ALK: variants seen among roughly 807,000 people sequenced by gnomAD.
ALK encodes ALK tyrosine kinase receptor.
ALK carries 74 observed loss-of-function variants against 163.1 expected under a neutral mutation model. The observed-to-expected ratio is 0.45, with a 90% CI of 0.38 to 0.55. The LOEUF (loss-of-function observed/expected upper bound fraction) is 0.55, where lower values mean the gene tolerates loss of function less well. Among genes scored for constraint, ALK ranks in the 20% least tolerant of loss-of-function variants. ALK has a pLI of 0.00. For missense variants in ALK, 2,063 were observed against 2,105.3 expected (o/e 0.98, Z 0.39); for synonymous variants, 960 against 843.2 (o/e 1.14, Z -2.40).
chr2:29,505,889 C>G (rs1422399108), intron 4 of ALK, among the ~76,000 whole-genome samples: 1 of 151,620 alleles, frequency 6.6e-6, no homozygotes, highest in Non-Finnish European at 1.5e-5. Context: ...GAAGAAAACT[C>G]AGGCCTGACA....
intron 4 of ALK, among the ~76,000 whole-genome samples, chr2:29,514,143 T>A (rs1328028745): frequency 1.4e-5 from 2 of 138,368 alleles, no homozygotes; most frequent in Non-Finnish European, 3.1e-5. Flanking sequence ...AGCCATCCCA[T>A]TACTGGGTAT....
At chr2:29,525,969 A>C (rs1345027987) in intron 4 of ALK, among the ~76,000 whole-genome samples, 1 of 152,106 alleles carries the variant, frequency 6.6e-6, no homozygotes, top group African/African-American at 2.4e-5. Flanking sequence ...TAAAGTGGGG[A>C]GGAATATGGT....
At chr2:29,576,407 C>T (rs569971888) in intron 3 of ALK, among the ~76,000 whole-genome samples, 31 of 152,354 alleles carry the variant, frequency 2.0e-4, no homozygotes, top group African/African-American at 6.0e-4. Context: ...ACACTGCCTT[C>T]CAACTGCAGG....
intron 1 of ALK, among the ~76,000 whole-genome samples, chr2:29,783,891 C>T (rs1012387646): frequency 6.6e-6 from 1 of 152,136 alleles, no homozygotes; most frequent in African/African-American, 2.4e-5. Flanking sequence ...TCCAGGATTC[C>T]ACCAAGTGGC....
intron 22 of ALK, 110 bp downstream of exon 22, chr2:29,222,234 A>T (rs1669821974): frequency 2.1e-6 from 2 of 971,246 alleles, no homozygotes; most frequent in South Asian, 2.8e-5. Context: ...AAAAGGGGAC[A>T]TGCTAGGGAC....
chr2:29,226,983 G>T lies in ALK; in HGVS notation c.3006C>A (p.His1002Gln), dbSNP rs1428469681. 1 of 1,614,224 alleles carries T rather than the reference G, an allele frequency of 6.2e-7. No individual in the cohort carries two copies. The highest frequency in any genetic ancestry group is 1.7e-5 in the Admixed American group (1 of 60,032). Residue 1002 changes from histidine to glutamine, a missense_variant, in exon 18 of 29, where the codon CAC becomes CAA. Physicochemically the swap from His to Gln is conservative, Grantham distance 24. Coordinates refer to ENST00000389048, the MANE Select transcript of ALK (RefSeq NM_004304.5). ...VDECHMDPES[H>Q]KVICFCDHGT... is the part of the protein sequence containing the mutation. Reference sequence around the variant, plus strand: ...CGTGGTCACAGAAGCAGATGACCTTGTGGCTTTCAGGGTCCATGTGACATT... The same window carrying T: ...CGTGGTCACAGAAGCAGATGACCTTTTGGCTTTCAGGGTCCATGTGACATT...
At chr2:29,776,014 T>C (rs1681165531) in intron 1 of ALK, among the ~76,000 whole-genome samples, 1 of 152,174 alleles carries the variant, frequency 6.6e-6, no homozygotes, top group South Asian at 2.1e-4. Context: ...ACTTTTCTGA[T>C]TGCCACTTTT....
chr2:29,477,253 C>T (rs981429395), intron 4 of ALK, among the ~76,000 whole-genome samples: 1 of 152,180 alleles, frequency 6.6e-6, no homozygotes, highest in African/African-American at 2.4e-5. Context: ...CCCCTCATCC[C>T]ACTACCCAGA....
chr2:29,277,858 G>T (rs932971336), intron 9 of ALK, among the ~76,000 whole-genome samples: 1 of 152,330 alleles, frequency 6.6e-6, no homozygotes, highest in African/African-American at 2.4e-5. Context: ...TTCCAACCTT[G>T]ATACACACCT....
intron 1 of ALK, among the ~76,000 whole-genome samples, chr2:29,724,231 T>C (rs1030314995): frequency 6.6e-6 from 1 of 152,258 alleles, no homozygotes; most frequent in Non-Finnish European, 1.5e-5. Flanking sequence ...ACCTTGCCTG[T>C]ACACGTTTTA....
chr2:29,456,478 A>G (rs573088320), intron 4 of ALK, among the ~76,000 whole-genome samples: 1 of 152,216 alleles, frequency 6.6e-6, no homozygotes, highest in Non-Finnish European at 1.5e-5. Context: ...CAAATATTGT[A>G]TGATACCACT....
chr2:29,771,326 A>C (rs918087291), intron 1 of ALK, among the ~76,000 whole-genome samples: 2 of 152,218 alleles, frequency 1.3e-5, no homozygotes, highest in Non-Finnish European at 2.9e-5. Flanking sequence ...AACTCAAACC[A>C]TAACACAGTG....
At chr2:29,875,618 T>C (rs529788123) in intron 1 of ALK, among the ~76,000 whole-genome samples, 2 of 152,262 alleles carry the variant, frequency 1.3e-5, no homozygotes, top group Non-Finnish European at 2.9e-5. Flanking sequence ...GCGTGTGATG[T>C]TCCTCCCACT....
intron 4 of ALK, among the ~76,000 whole-genome samples, chr2:29,403,144 C>A (rs753600657): frequency 1.6e-4 from 25 of 152,178 alleles, no homozygotes; most frequent in Non-Finnish European, 2.9e-5. Context: ...GCTTCTAGCA[C>A]CGTACCTAGA....
intron 1 of ALK, among the ~76,000 whole-genome samples, chr2:29,793,347 T>C (rs542512668): frequency 7.2e-5 from 11 of 152,198 alleles, no homozygotes; most frequent in Middle Eastern, 3.2e-3. Context: ...TCTACTGAAG[T>C]CTTGAACCCC....
intron 1 of ALK, among the ~76,000 whole-genome samples, chr2:29,727,603 C>T (rs879506063): frequency 6.6e-5 from 10 of 152,202 alleles, no homozygotes; most frequent in Non-Finnish European, 1.2e-4. Flanking sequence ...TCTACAAAGC[C>T]CTCAGGCTCT....
At chr2:29,213,824 A>T (rs1195962120) in intron 24 of ALK, among the ~76,000 whole-genome samples, 160 bp downstream of exon 24, 1 of 152,162 alleles carries the variant, frequency 6.6e-6, no homozygotes, top group Non-Finnish European at 1.5e-5. Context: ...TCTCTCACAA[A>T]AAAACAATAA....
intron 1 of ALK, among the ~76,000 whole-genome samples, chr2:29,773,539 A>T (rs1681086264): frequency 6.6e-6 from 1 of 152,226 alleles, no homozygotes; most frequent in African/African-American, 2.4e-5. Flanking sequence ...GGCACTGATG[A>T]CCGCAAAGGG....
In ALK at chr2:29,831,227, GA is replaced by G. The variant is rs1282077153; in HGVS notation, c.667+88765del. Among the ~76,000 whole-genome samples the G allele has an allele frequency of 8.5e-4, 64 of 75,440 alleles. 10 individuals are homozygous for G. Among genetic ancestry groups the G allele is most frequent in the African/African-American group, 3.1e-3 (61 of 19,382 alleles). 49.5% of individuals were successfully genotyped at this position (75,440 alleles called of 152,430 possible). A position where few individuals can be genotyped will look rare whatever the true frequency, so the allele number is the denominator to read the frequency against. Reference sequence around the variant, plus strand: ...AGGGGAAGAGGAAGAGGAAGAGGAAGAAGAAGAGGAAGAAGAAGAGGAAGAG... The same window carrying G: ...AGGGGAAGAGGAAGAGGAAGAGGAAGAGAAGAGGAAGAAGAAGAGGAAGAG... On this transcript the variant is annotated intron_variant, in intron 1 of 28. Coordinates refer to ENST00000389048, the MANE Select transcript of ALK (RefSeq NM_004304.5).
Sources: gnomAD v4.1 joint callset for allele counts (sites outside exome capture counted in the v4.1 genomes callset) on GRCh38, gnomAD v4.1.1 for gene constraint, MANE v1.5 for transcripts, NCBI Gene and HGNC (gene_info 2026-07-23, HGNC 2026-07-21) for gene names.